NBAS: variants seen among roughly 807,000 people sequenced by gnomAD.
NBAS encodes NAG/BC035112 fusion.
A neutral mutation model predicts 302.5 loss-of-function variants in NBAS; 219 were observed. That is an observed-to-expected ratio of 0.72 (90% confidence interval 0.65 to 0.81). The LOEUF (loss-of-function observed/expected upper bound fraction) is 0.81. Ranked by LOEUF, NBAS falls within the 30% of genes least tolerant of loss-of-function variation. NBAS has a pLI of 0.00. For missense variants in NBAS, 2,932 were observed against 2,841.6 expected (o/e 1.03, Z -0.72); for synonymous variants, 1,118 against 1,021.6 (o/e 1.09, Z -1.80).
At chr2:14,985,606 C>CTGTTTCAATG in the NBAS span, among the ~76,000 whole-genome samples, 48 of 152,170 alleles carry the variant, frequency 3.2e-4, no homozygotes, top group African/African-American at 1.1e-3. Context: ...GCAATAACTG[C>CTGTTTCAATG]TGTTTCAATG....
At chr2:15,199,764 G>A (rs1665790079) in intron 48 of NBAS, among the ~76,000 whole-genome samples, 1 of 152,092 alleles carries the variant, frequency 6.6e-6, no homozygotes, top group African/African-American at 2.4e-5. Flanking sequence ...CTTATATGAT[G>A]ATTGTGAATA....
the NBAS span, among the ~76,000 whole-genome samples, chr2:14,828,232 T>C: frequency 4.6e-5 from 7 of 152,178 alleles, no homozygotes; most frequent in African/African-American, 1.7e-4. Flanking sequence ...TAGAATGTGA[T>C]GTGCGTATGG....
chr2:14,887,317 T>C, the NBAS span, among the ~76,000 whole-genome samples: 1 of 148,992 alleles, frequency 6.7e-6, no homozygotes, highest in Non-Finnish European at 1.5e-5. Context: ...GGCAGGAGAA[T>C]TGCTTGAACC....
the NBAS span, among the ~76,000 whole-genome samples, chr2:15,125,531 G>A: frequency 6.6e-6 from 1 of 152,212 alleles, no homozygotes; most frequent in East Asian, 1.9e-4. Flanking sequence ...TAAGACTGGG[G>A]ATTACAACTG....
the NBAS span, among the ~76,000 whole-genome samples, chr2:14,970,560 G>C: frequency 6.6e-6 from 1 of 152,206 alleles, no homozygotes; most frequent in Non-Finnish European, 1.5e-5. Context: ...TAGAACACAG[G>C]AGTAGGCAGA....
At chr2:15,440,372 C>A (rs533534912) in intron 21 of NBAS, among the ~76,000 whole-genome samples, 1 of 152,214 alleles carries the variant, frequency 6.6e-6, no homozygotes, top group Non-Finnish European at 1.5e-5. Flanking sequence ...ATTCTGCAGA[C>A]ACCGCTGCTG....
chr2:15,166,829 AG>A (rs775507932), downstream of NBAS: 64 of 498,088 alleles, frequency 1.3e-4, no homozygotes, highest in Non-Finnish European at 2.1e-4. Context: ...GAGGGTGGGA[AG>A]GAAGAGTCTC....
chr2:15,112,419 C>T, the NBAS span, among the ~76,000 whole-genome samples: 3 of 151,982 alleles, frequency 2.0e-5, no homozygotes, highest in East Asian at 5.8e-4. Flanking sequence ...AGAAAACAGC[C>T]AGTGAAGATC....
chr2:15,503,476 A>T (rs1661682730), intron 11 of NBAS, among the ~76,000 whole-genome samples: 1 of 152,214 alleles, frequency 6.6e-6, no homozygotes, highest in Non-Finnish European at 1.5e-5. Context: ...CCTCCAAGAC[A>T]GGAGTATGAT....
rs149798193 is a variant in NBAS at position 15,384,745 on chromosome 2, C to G, written c.3258-1428G>C. ...TCACCATTTATGTTTACTTTCTAGTCTTGACATTCTACATAATCATGAATA... is the reference window on the plus strand; with the variant it reads ...TCACCATTTATGTTTACTTTCTAGTGTTGACATTCTACATAATCATGAATA... On this transcript the variant is annotated intron_variant, in intron 28 of 51. Transcript: ENST00000281513. 2.0e-3 allele frequency among the ~76,000 whole-genome samples: 301 copies of G among 152,266 alleles called. 1 individual carries two copies. Among genetic ancestry groups the G allele is most frequent in the African/African-American group, 7.0e-3 (290 of 41,554 alleles).
At chr2:15,466,106 TG>T (rs1283323206) in intron 19 of NBAS, among the ~76,000 whole-genome samples, 10 of 152,194 alleles carry the variant, frequency 6.6e-5, no homozygotes, top group Admixed American at 5.2e-4. Context: ...TCATTACCAA[TG>T]TTTTTTTAAT....
chr2:15,244,336 C>A (rs1031184991), intron 44 of NBAS, among the ~76,000 whole-genome samples: 2 of 152,052 alleles, frequency 1.3e-5, no homozygotes, highest in Non-Finnish European at 2.9e-5. Context: ...CCTCATGTGG[C>A]CCAGGAAGGA....
intron 21 of NBAS, among the ~76,000 whole-genome samples, chr2:15,453,437 A>T (rs2148543494): frequency 6.6e-6 from 1 of 152,330 alleles, no homozygotes; most frequent in South Asian, 2.1e-4. Context: ...GGGACTAGGT[A>T]TATACTGACA....
chr2:14,841,866 C>T, the NBAS span, among the ~76,000 whole-genome samples: 2 of 152,012 alleles, frequency 1.3e-5, no homozygotes, highest in Admixed American at 6.6e-5. Context: ...CAGAACATTT[C>T]ACCCAACTGT....
At chr2:15,555,628 A>T (rs1225360303) in intron 3 of NBAS, among the ~76,000 whole-genome samples, 1 of 152,218 alleles carries the variant, frequency 6.6e-6, no homozygotes, top group Non-Finnish European at 1.5e-5. Context: ...TAAACTCAAG[A>T]GCACAAATTG....
intron 51 of NBAS, among the ~76,000 whole-genome samples, chr2:15,172,177 T>C (rs544490852): frequency 1.3e-5 from 2 of 152,344 alleles, no homozygotes; most frequent in Middle Eastern, 3.4e-3. Context: ...AATATTTTGA[T>C]AGGAAAAAAT....
At chr2:14,790,835 G>C in the NBAS span, among the ~76,000 whole-genome samples, 7 of 151,478 alleles carry the variant, frequency 4.6e-5, no homozygotes, top group Non-Finnish European at 1.0e-4. Context: ...GTGTGTGTAT[G>C]TATGTGTGTT....
At chr2:15,055,315 C>G in the NBAS span, among the ~76,000 whole-genome samples, 1 of 152,202 alleles carries the variant, frequency 6.6e-6, no homozygotes, top group Admixed American at 6.5e-5. Context: ...GATAAGAACA[C>G]CAGTGACCTC....
At chr2:15,094,744 TCCCG>T in the NBAS span, among the ~76,000 whole-genome samples, 1 of 151,944 alleles carries the variant, frequency 6.6e-6, no homozygotes, top group African/African-American at 2.4e-5. Flanking sequence ...TCTAAAATGC[TCCCG>T]CCGGCCCTTT....
Sources: allele counts gnomAD v4.1 joint callset (sites outside exome capture counted in the v4.1 genomes callset), GRCh38; gene constraint gnomAD v4.1.1; transcripts MANE v1.5; gene names NCBI Gene and HGNC (gene_info 2026-07-23, HGNC 2026-07-21).